The following HCN1 variants were observed in gnomAD, a reference collection of about 807,000 sequenced individuals.
HCN1 encodes hyperpolarization activated cyclic nucleotide gated potassium channel 1.
Under a neutral mutation model 78.9 loss-of-function variants are expected in HCN1, and 13 were observed. The ratio of observed to expected loss-of-function variants is 0.16; its 90% CI spans 0.11 to 0.26. The LOEUF is 0.26. Ranked by LOEUF, HCN1 falls within the 10% of genes least tolerant of loss-of-function variation. The probability of loss-of-function intolerance (pLI) is 1.00; values close to 1 mark genes in which losing one functional copy is unlikely to be tolerated. For missense variants in HCN1, 810 were observed against 1,154.3 expected (o/e 0.70, Z 4.32); for synonymous variants, 552 against 455.5 (o/e 1.21, Z -2.70).
chr5:45,316,108 AC>A (rs1745985419), intron 5 of HCN1, among the ~76,000 whole-genome samples: 1 of 152,028 alleles, frequency 6.6e-6, no homozygotes, highest in Non-Finnish European at 1.5e-5. Context: ...CAGAGACACA[AC>A]AAAAAGAGAA....
intron 2 of HCN1, among the ~76,000 whole-genome samples, chr5:45,563,175 T>G (rs1187169226): frequency 6.6e-6 from 1 of 152,054 alleles, no homozygotes; most frequent in African/African-American, 2.4e-5. Context: ...GAAGGCCGGG[T>G]GCGGTGGCTC....
rs545525468 is a variant in HCN1 at position 45,259,566 on chromosome 5, T to C, written c.*2355A>G. 20 of 152,342 alleles carry C rather than the reference T, an allele frequency of 1.3e-4. No homozygotes were observed. The highest frequency in any genetic ancestry group is 4.8e-4 in the African/African-American group (20 of 41,522). 9.4% of individuals were successfully genotyped at this position (152,342 alleles called of 1,614,324 possible). A position where few individuals can be genotyped will look rare whatever the true frequency, so the allele number is the denominator to read the frequency against. On this transcript the variant is annotated 3_prime_UTR_variant, in exon 8 of 8. Coordinates refer to ENST00000303230, the MANE Select transcript of HCN1 (RefSeq NM_021072.4). ...ATCTAAGTATATATACATTCATACA[T>C]ATATGTATATAATTTACCCTGTACC...
intron 2 of HCN1, among the ~76,000 whole-genome samples, chr5:45,515,298 A>G (rs1012915693): frequency 6.6e-6 from 1 of 152,026 alleles, no homozygotes; most frequent in Non-Finnish European, 1.5e-5. Flanking sequence ...ATACTATAAT[A>G]CTTAACTACA....
chr5:45,318,016 A>C (rs1052107194), intron 5 of HCN1, among the ~76,000 whole-genome samples: 1 of 152,200 alleles, frequency 6.6e-6, no homozygotes, highest in Non-Finnish European at 1.5e-5. Flanking sequence ...GTGATTCCTC[A>C]AGCATCTAGA....
At position 45,294,874 on chromosome 5, in the gene HCN1, G is replaced by C. The variant is rs564060232; in HGVS notation, c.1618+8725C>G. On this transcript the variant is annotated intron_variant, in intron 6 of 7. Transcript: ENST00000303230. ...GTGAGGTATTCTGGAAAGAACACAGGCTTCAAGTTCAGAAACAAACTGAGT... is the reference window on the plus strand; with the variant it reads ...GTGAGGTATTCTGGAAAGAACACAGCCTTCAAGTTCAGAAACAAACTGAGT... 1.7e-3 allele frequency among the ~76,000 whole-genome samples: 266 copies of C among 152,064 alleles called. 2 individuals are homozygous for C. The highest frequency in any genetic ancestry group is 2.9e-3 in the Non-Finnish European group (195 of 67,988).
At chr5:45,372,814 A>G (rs994492929) in intron 4 of HCN1, among the ~76,000 whole-genome samples, 12 of 141,510 alleles carry the variant, frequency 8.5e-5, no homozygotes, top group African/African-American at 2.4e-4. Flanking sequence ...CTATACACAA[A>G]TATATGTACG....
chr5:45,532,845 C>T (rs1384034085), intron 2 of HCN1, among the ~76,000 whole-genome samples: 3 of 152,106 alleles, frequency 2.0e-5, no homozygotes, highest in African/African-American at 7.2e-5. Flanking sequence ...AGTGCTTAAC[C>T]CGCACTTTTC....
intron 5 of HCN1, among the ~76,000 whole-genome samples, chr5:45,346,504 C>T (rs1042066362): frequency 3.3e-5 from 5 of 152,036 alleles, no homozygotes; most frequent in Non-Finnish European, 5.9e-5. Context: ...GAGTACCAGA[C>T]AGTGGGCACA....
At chr5:45,632,388 G>A (rs924534317) in intron 2 of HCN1, among the ~76,000 whole-genome samples, 20 of 151,926 alleles carry the variant, frequency 1.3e-4, no homozygotes, top group Non-Finnish European at 2.7e-4. Context: ...CAAACTGTTA[G>A]CAAATCTTCT....
At chr5:45,573,806 G>T (rs1229553627) in intron 2 of HCN1, among the ~76,000 whole-genome samples, 1 of 151,664 alleles carries the variant, frequency 6.6e-6, no homozygotes, top group Non-Finnish European at 1.5e-5. Flanking sequence ...ATTAAGAGAG[G>T]TTTCTGAAAA....
At chr5:45,401,980 G>C (rs1410758840) in intron 3 of HCN1, among the ~76,000 whole-genome samples, 3 of 152,114 alleles carry the variant, frequency 2.0e-5, no homozygotes, top group Non-Finnish European at 4.4e-5. Flanking sequence ...ATTTGAGTAA[G>C]ACCATGGGTC....
At chr5:45,313,166 A>G (rs1041724179) in intron 5 of HCN1, among the ~76,000 whole-genome samples, 1 of 152,174 alleles carries the variant, frequency 6.6e-6, no homozygotes, top group Non-Finnish European at 1.5e-5. Flanking sequence ...TCTGAGATGA[A>G]GCTTCCAGAG....
chr5:45,429,165 G>A (rs958554282), intron 3 of HCN1, among the ~76,000 whole-genome samples: 2 of 152,166 alleles, frequency 1.3e-5, no homozygotes, highest in Admixed American at 6.5e-5. Context: ...GAATTTATAA[G>A]AAATGATGGC....
intron 2 of HCN1, among the ~76,000 whole-genome samples, chr5:45,582,635 T>G (rs565667585): frequency 6.6e-6 from 1 of 152,150 alleles, no homozygotes; most frequent in Admixed American, 6.6e-5. Flanking sequence ...TTTGCCCATT[T>G]AGTATGATAT....
Position 45,695,200 on chromosome 5 carries a change from G to C in HCN1, c.425+469C>G, listed in dbSNP as rs146517372. ...GGGGCGAGCGCGGCAGGAACTGCTCGGGCTTGTGAATCGCTGTCTCCGGTT... is the reference window on the plus strand; with the variant it reads ...GGGGCGAGCGCGGCAGGAACTGCTCCGGCTTGTGAATCGCTGTCTCCGGTT... On this transcript the variant is annotated intron_variant, in intron 1 of 7. Transcript: ENST00000303230. 795 of 182,152 alleles carry C rather than the reference G, an allele frequency of 4.4e-3. 9 individuals are homozygous for C. Among genetic ancestry groups the C allele is most frequent in the African/African-American group, 0.017 (707 of 41,718 alleles). The allele number at this position is 182,152 out of a possible 1,614,324, so 11.3% of individuals were successfully genotyped here.
At chr5:45,507,941 A>G (rs1742341428) in intron 2 of HCN1, among the ~76,000 whole-genome samples, 2 of 152,164 alleles carry the variant, frequency 1.3e-5, no homozygotes, top group South Asian at 2.1e-4. Flanking sequence ...ATAACATTAT[A>G]TGTGTGCAGG....
At chr5:45,438,581 C>A (rs1358112324) in intron 3 of HCN1, among the ~76,000 whole-genome samples, 3 of 149,542 alleles carry the variant, frequency 2.0e-5, no homozygotes, top group African/African-American at 7.4e-5. Context: ...CAGAGCGAGA[C>A]TCCGTCTCAA....
chr5:45,398,125 CTGA>C (rs1436302297), intron 3 of HCN1, among the ~76,000 whole-genome samples: 2 of 151,820 alleles, frequency 1.3e-5, no homozygotes, highest in Admixed American at 1.3e-4. Context: ...ACATTTGGAG[CTGA>C]TGATTTTCAT....
intron 6 of HCN1, among the ~76,000 whole-genome samples, chr5:45,298,824 ATTAAC>A (rs1745549959): frequency 6.6e-6 from 1 of 151,934 alleles, no homozygotes; most frequent in Non-Finnish European, 1.5e-5. Flanking sequence ...GGAAAGAAAA[ATTAAC>A]TTTACAATGG....
Sources: allele counts gnomAD v4.1 joint callset (sites outside exome capture counted in the v4.1 genomes callset), GRCh38; gene constraint gnomAD v4.1.1; transcripts MANE v1.5; gene names NCBI Gene and HGNC (gene_info 2026-07-23, HGNC 2026-07-21).